The following NAALADL2 variants were observed in gnomAD, a reference collection of about 807,000 sequenced individuals.
NAALADL2 encodes inactive N-acetylated-alpha-linked acidic dipeptidase-like protein 2.
NAALADL2 carries 76 observed loss-of-function variants against 87.2 expected under a neutral mutation model. The observed-to-expected ratio is 0.87, with a 90% CI of 0.72 to 1.05. The LOEUF is 1.05. NAALADL2 is among the 50% of genes least tolerant of loss of function. The pLI is 0.00. For missense variants in NAALADL2, 1,089 were observed against 945.8 expected (o/e 1.15, Z -1.99); for synonymous variants, 354 against 331.0 (o/e 1.07, Z -0.75).
intron 3 of NAALADL2, among the ~76,000 whole-genome samples, chr3:174,841,739 T>G (rs553837010): frequency 2.0e-5 from 3 of 152,322 alleles, no homozygotes; most frequent in African/African-American, 7.2e-5. Context: ...ATGATGGAAA[T>G]CATCCTATTG....
At chr3:175,222,545 CA>C (rs895130386) in intron 2 of NAALADL2, among the ~76,000 whole-genome samples, 4 of 152,242 alleles carry the variant, frequency 2.6e-5, no homozygotes, top group Admixed American at 1.3e-4. Flanking sequence ...TGTCCATAAG[CA>C]GAACAGGAAA....
chr3:175,785,359 C>T (rs1379479670), intron 13 of NAALADL2, among the ~76,000 whole-genome samples: 9 of 145,156 alleles, frequency 6.2e-5, no homozygotes, highest in Non-Finnish European at 1.1e-4. Context: ...GTAGGTCACT[C>T]AGGACTTGCT....
chr3:175,753,332 T>C (rs1436222797), intron 12 of NAALADL2, among the ~76,000 whole-genome samples: 1 of 152,204 alleles, frequency 6.6e-6, no homozygotes, highest in Non-Finnish European at 1.5e-5. Context: ...CCTATGAATC[T>C]CTTTGTAGCC....
At chr3:175,066,901 C>A (rs2109116844) in intron 1 of NAALADL2, among the ~76,000 whole-genome samples, 1 of 152,158 alleles carries the variant, frequency 6.6e-6, no homozygotes, top group Admixed American at 6.6e-5. Context: ...AACCAAGAAT[C>A]AATAAATTAA....
intron 1 of NAALADL2, among the ~76,000 whole-genome samples, chr3:174,890,687 C>T (rs1035317842): frequency 1.3e-5 from 2 of 152,070 alleles, no homozygotes; most frequent in African/African-American, 4.8e-5. Context: ...GTGTGAGAAC[C>T]TTTATATTCC....
intron 13 of NAALADL2, among the ~76,000 whole-genome samples, chr3:175,770,706 C>T (rs1749375302): frequency 6.6e-6 from 1 of 152,174 alleles, no homozygotes; most frequent in Non-Finnish European, 1.5e-5. Context: ...CTAATCAAAG[C>T]TTACATATGC....
intron 9 of NAALADL2, among the ~76,000 whole-genome samples, chr3:175,507,737 A>C (rs1730551540): frequency 6.6e-6 from 1 of 152,006 alleles, no homozygotes; most frequent in Non-Finnish European, 1.5e-5. Flanking sequence ...AGGCATTATT[A>C]ATGCTTTATT....
At position 174,539,980 on chromosome 3, in the gene NAALADL2, A is replaced by G. The variant is rs911317995; in HGVS notation, c.-183-10589A>G. ...AAGAGAGAATTAGGAAGTTCTGGAA[A>G]AAAAAAAAAAAAAAAAAAAAAAAAA... is the stretch of plus-strand genomic sequence containing the variant. On this transcript the variant is annotated intron_variant, in intron 1 of 3. Transcript: ENST00000434257. Among the ~76,000 whole-genome samples the G allele has an allele frequency of 2.6e-3, 178 of 69,712 alleles. 5 individuals carry two copies. In the East Asian group the frequency reaches 0.057, roughly 22 times the overall value. The allele number at this position is 69,712 out of a possible 152,430, so 45.7% of individuals were successfully genotyped here.
At chr3:174,607,737 G>A (rs1279255776) in intron 2 of NAALADL2, among the ~76,000 whole-genome samples, 1 of 152,100 alleles carries the variant, frequency 6.6e-6, no homozygotes, top group African/African-American at 2.4e-5. Context: ...ACACCCCCCT[G>A]TCAACATTAG....
intron 11 of NAALADL2, among the ~76,000 whole-genome samples, chr3:175,721,708 T>C (rs1037462459): frequency 1.3e-5 from 2 of 152,094 alleles, no homozygotes; most frequent in African/African-American, 4.8e-5. Context: ...AAATCATTAA[T>C]ACATTTCTCT....
intron 1 of NAALADL2, among the ~76,000 whole-genome samples, chr3:174,493,978 A>C (rs530993665): frequency 6.6e-6 from 1 of 152,110 alleles, no homozygotes; most frequent in South Asian, 2.1e-4. Context: ...TGTGTCTGAC[A>C]AAAAGTTTTT....
At chr3:175,132,572 A>C (rs1188618685) in intron 2 of NAALADL2, among the ~76,000 whole-genome samples, 4 of 75,206 alleles carry the variant, frequency 5.3e-5, no homozygotes, top group Admixed American at 2.7e-4. Flanking sequence ...TGACCCCCCC[A>C]CCTCCCTCCC....
chr3:175,593,127 G>A (rs936365764), intron 10 of NAALADL2, among the ~76,000 whole-genome samples: 5 of 151,864 alleles, frequency 3.3e-5, no homozygotes, highest in African/African-American at 4.8e-5. Flanking sequence ...ATTAAGCTCC[G>A]TATGCATTAG....
At chr3:175,318,849 T>C (rs1246903494) in intron 4 of NAALADL2, among the ~76,000 whole-genome samples, 4 of 152,236 alleles carry the variant, frequency 2.6e-5, no homozygotes, top group African/African-American at 7.2e-5. Flanking sequence ...GGGTTTCAAC[T>C]TTTTGAGAAT....
chr3:175,787,623 G>GTGAGATGA (rs1752237487), intron 13 of NAALADL2, among the ~76,000 whole-genome samples: 1 of 152,128 alleles, frequency 6.6e-6, no homozygotes, highest in Admixed American at 6.5e-5. Context: ...GCGCTCCCTA[G>GTGAGATGA]TGAGATGAAC....
At chr3:175,056,558 A>G (rs1237772578) in intron 1 of NAALADL2, among the ~76,000 whole-genome samples, 2 of 152,138 alleles carry the variant, frequency 1.3e-5, no homozygotes, top group Admixed American at 6.5e-5. Flanking sequence ...TGCTAGAGGA[A>G]TTAAAGACAT....
intron 1 of NAALADL2, among the ~76,000 whole-genome samples, chr3:174,982,356 TA>T (rs796717384): frequency 1.2e-4 from 17 of 147,792 alleles, no homozygotes; most frequent in African/African-American, 2.5e-4. Flanking sequence ...CAGTATAACT[TA>T]AAAAAAAAAG....
chr3:175,752,547 CA>C (rs1007157204), intron 12 of NAALADL2, among the ~76,000 whole-genome samples: 19 of 152,184 alleles, frequency 1.2e-4, no homozygotes, highest in African/African-American at 4.3e-4. Context: ...ATTTATATAT[CA>C]AAATGATTGA....
At chr3:175,346,751 C>G (rs575805452) in intron 5 of NAALADL2, among the ~76,000 whole-genome samples, 7 of 152,182 alleles carry the variant, frequency 4.6e-5, no homozygotes, top group Non-Finnish European at 7.4e-5. Flanking sequence ...AAACTGAGGT[C>G]GAGAGGGTTA....
Sources: allele counts gnomAD v4.1 joint callset (sites outside exome capture counted in the v4.1 genomes callset), GRCh38; gene constraint gnomAD v4.1.1; transcripts MANE v1.5; gene names NCBI Gene and HGNC (gene_info 2026-07-23, HGNC 2026-07-21).